Variants in LPP observed in about 807,000 individuals in gnomAD.
The protein encoded by LPP is LIM domain containing preferred translocation partner in lipoma.
Under a neutral mutation model 60.4 loss-of-function variants are expected in LPP, and 38 were observed. That is an observed-to-expected ratio of 0.63 (90% CI 0.49 to 0.83). The LOEUF is 0.83. Ranked by LOEUF, LPP falls within the 40% of genes least tolerant of loss-of-function variation. LPP has a pLI of 0.00. For synonymous variants in LPP, 328 were observed against 290.8 expected, an observed-to-expected ratio of 1.13 and a Z score of -1.30; for missense variants, 902 against 783.6, an observed-to-expected ratio of 1.15 and a Z score of -1.80.
chr3:188,582,377 C>T (rs1836448760), intron 6 of LPP, among the ~76,000 whole-genome samples: 3 of 151,180 alleles, frequency 2.0e-5, no homozygotes, highest in African/African-American at 4.9e-5. Flanking sequence ...GATGGGGTTT[C>T]ACCACGTTGG....
intron 1 of LPP, among the ~76,000 whole-genome samples, chr3:188,201,734 G>C (rs1468681301): frequency 6.6e-6 from 1 of 152,060 alleles, no homozygotes; most frequent in Non-Finnish European, 1.5e-5. Flanking sequence ...GCATAATGGG[G>C]TGTCTTCTGT....
At chr3:188,340,449 G>A (rs550968544) in intron 2 of LPP, among the ~76,000 whole-genome samples, 91 of 114,134 alleles carry the variant, frequency 8.0e-4, no homozygotes, top group African/African-American at 3.0e-3. Flanking sequence ...GGGTATAGTT[G>A]CAGGATCCAT....
At chr3:188,493,859 T>C (rs1809138912) in intron 5 of LPP, among the ~76,000 whole-genome samples, 2 of 152,202 alleles carry the variant, frequency 1.3e-5, no homozygotes, top group Non-Finnish European at 2.9e-5. Context: ...ATATTAGTTT[T>C]CTTTTTCCAA....
At chr3:188,596,921 A>C (rs1580266252) in intron 6 of LPP, among the ~76,000 whole-genome samples, 1 of 152,176 alleles carries the variant, frequency 6.6e-6, no homozygotes, top group African/African-American at 2.4e-5. Flanking sequence ...TTGTATGAAA[A>C]TACAGCAACC....
intron 9 of LPP, among the ~76,000 whole-genome samples, chr3:188,850,892 A>G (rs1312978580): frequency 1.3e-5 from 2 of 152,234 alleles, no homozygotes; most frequent in Non-Finnish European, 2.9e-5. Flanking sequence ...CTCATAAGGA[A>G]TGATGGAAGG....
intron 9 of LPP, among the ~76,000 whole-genome samples, chr3:188,768,221 C>T (rs914833455): frequency 6.6e-6 from 1 of 152,098 alleles, no homozygotes; most frequent in Non-Finnish European, 1.5e-5. Context: ...TTTCAGATCT[C>T]CAAAGAACAA....
At chr3:188,332,162 A>G (rs62291427) in intron 2 of LPP, among the ~76,000 whole-genome samples, 2,041 of 152,234 alleles carry the variant, frequency 0.013, 16 homozygotes, top group Non-Finnish European at 0.018. Context: ...CTAAACTTTT[A>G]TATCTAGAAT....
intron 4 of LPP, among the ~76,000 whole-genome samples, chr3:188,468,827 T>C (rs1219869880): frequency 2.0e-5 from 3 of 152,118 alleles, no homozygotes; most frequent in Non-Finnish European, 4.4e-5. Context: ...ATAAATCCTT[T>C]GCACTCCAGA....
intron 9 of LPP, among the ~76,000 whole-genome samples, chr3:188,854,345 A>G (rs907919785): frequency 6.6e-6 from 1 of 152,180 alleles, no homozygotes; most frequent in Non-Finnish European, 1.5e-5. Context: ...AAGGGAAGCA[A>G]ATTACTTCAC....
rs191891708 is a variant in LPP at position 188,547,724 on chromosome 3, G to A, written c.429+22937G>A. On this transcript the variant is annotated intron_variant, in intron 6 of 11. Transcript: ENST00000617246. Reference sequence around the variant, plus strand: ...ACAAAATAATCTAATCCTTAAAGTCGTGTCTTCTTTTGCAAAATCCTAGTA... The same window carrying A: ...ACAAAATAATCTAATCCTTAAAGTCATGTCTTCTTTTGCAAAATCCTAGTA... Among the ~76,000 whole-genome samples the A allele has an allele frequency of 2.1e-3, 313 of 152,210 alleles. 1 individual carries two copies. The highest frequency in any genetic ancestry group is 3.4e-3 in the Non-Finnish European group (231 of 68,014).
At chr3:188,288,966 T>C (rs1168056569) in intron 2 of LPP, among the ~76,000 whole-genome samples, 2 of 151,878 alleles carry the variant, frequency 1.3e-5, no homozygotes, top group Non-Finnish European at 2.9e-5. Flanking sequence ...AATATGGAGA[T>C]TGGGAAATCA....
intron 9 of LPP, among the ~76,000 whole-genome samples, chr3:188,763,248 TGTC>T (rs1732993006): frequency 6.9e-6 from 1 of 145,016 alleles, no homozygotes; most frequent in South Asian, 2.1e-4. Flanking sequence ...TCAGTGTGCC[TGTC>T]TTTTTTTTTT....
Position 188,851,737 on chromosome 3 carries a change from G to A in LPP, c.1411-14463G>A, listed in dbSNP as rs918635479. ...ATGTTTAAATCCTAGTCTTCGAAGAGTTTATAATTAAATATAAAAATATTG... is the reference window on the plus strand; with the variant it reads ...ATGTTTAAATCCTAGTCTTCGAAGAATTTATAATTAAATATAAAAATATTG... On this transcript the variant is annotated intron_variant, in intron 9 of 11. Coordinates refer to ENST00000617246, the MANE Select transcript of LPP (RefSeq NM_001375462.1). 1.8e-4 allele frequency among the ~76,000 whole-genome samples: 27 copies of A among 152,314 alleles called. 1 individual carries two copies. The highest frequency in any genetic ancestry group is 6.3e-4 in the African/African-American group (26 of 41,574).
intron 6 of LPP, among the ~76,000 whole-genome samples, chr3:188,595,950 C>T (rs1444166214): frequency 6.6e-6 from 1 of 152,298 alleles, no homozygotes; most frequent in Non-Finnish European, 1.5e-5. Flanking sequence ...CAAATCACCC[C>T]TCCTTTGCCT....
chr3:188,843,718 C>G, intron 9 of LPP, among the ~76,000 whole-genome samples: 1 of 144,026 alleles, frequency 6.9e-6, no homozygotes, highest in Non-Finnish European at 1.5e-5. Context: ...ACCCGGGAGG[C>G]GGAGCTTGCA....
chr3:188,836,052 G>A (rs1423472617), intron 9 of LPP, among the ~76,000 whole-genome samples: 2 of 152,190 alleles, frequency 1.3e-5, no homozygotes, highest in Non-Finnish European at 2.9e-5. Context: ...TTTTATTTCA[G>A]ATAAATTTTA....
At position 188,273,255 on chromosome 3, in the gene LPP, G is replaced by T. The variant is rs545070216; in HGVS notation, c.-67+47728G>T. On this transcript the variant is annotated intron_variant, in intron 2 of 11. Transcript: ENST00000617246. Reference sequence around the variant, plus strand: ...TGGTAATTGGTGGGGTGATATGTCAGTCAGTTTACTTTCACAACTGAATTA... The same window carrying T: ...TGGTAATTGGTGGGGTGATATGTCATTCAGTTTACTTTCACAACTGAATTA... 1.1e-3 allele frequency among the ~76,000 whole-genome samples: 166 copies of T among 152,314 alleles called. 1 individual carries two copies. Among genetic ancestry groups the T allele is most frequent in the Non-Finnish European group, 1.6e-4 (11 of 68,032 alleles).
At chr3:188,169,242 A>G (rs1720876389) in intron 1 of LPP, among the ~76,000 whole-genome samples, 1 of 152,258 alleles carries the variant, frequency 6.6e-6, no homozygotes, top group East Asian at 1.9e-4. Context: ...TAAGGAAGCT[A>G]TAAAAGAGGT....
At chr3:188,479,798 CA>C (rs2149611192) in intron 4 of LPP, among the ~76,000 whole-genome samples, 1 of 152,336 alleles carries the variant, frequency 6.6e-6, no homozygotes, top group South Asian at 2.1e-4. Context: ...TGAAGAAGAG[CA>C]TGATGCTTTC....
Sources: allele counts gnomAD v4.1 joint callset (sites outside exome capture counted in the v4.1 genomes callset), GRCh38; gene constraint gnomAD v4.1.1; transcripts MANE v1.5; gene names NCBI Gene and HGNC (gene_info 2026-07-23, HGNC 2026-07-21).